ARHGEF26: variants seen among roughly 807,000 people sequenced by gnomAD.
The protein encoded by ARHGEF26 is Rho guanine nucleotide exchange factor 26.
Under a neutral mutation model 89.4 loss-of-function variants are expected in ARHGEF26, and 59 were observed. The observed-to-expected ratio is 0.66, with a 90% CI of 0.54 to 0.82. The LOEUF is 0.82. ARHGEF26 is among the 40% of genes least tolerant of loss of function. ARHGEF26 has a pLI of 0.00. For missense variants in ARHGEF26, 1,234 were observed against 1,085.6 expected (o/e 1.14, Z -1.92); for synonymous variants, 500 against 428.4 (o/e 1.17, Z -2.06).
At position 154,122,076 on chromosome 3, in the gene ARHGEF26, G is replaced by A. The variant is rs774549332; in HGVS notation, c.84G>A (p.Gln28=). 2 of 1,612,716 alleles carry A rather than the reference G, an allele frequency of 1.2e-6. No individual in the cohort carries two copies. Among genetic ancestry groups the A allele is most frequent in the Non-Finnish European group, 1.7e-6 (2 of 1,179,370 alleles). Reference sequence around the variant, plus strand: ...GGCGGTCGATTCCTCAGCCCCACCAGGTTCTGGGCCGGAGCAAGCCGAGGC... The same window carrying A: ...GGCGGTCGATTCCTCAGCCCCACCAAGTTCTGGGCCGGAGCAAGCCGAGGC... ...WRRRSIPQPH[Q]VLGRSKPRPQ... Residue 28 remains glutamine (Q), a synonymous_variant, in exon 2 of 15, where the codon CAG becomes CAA. Coordinates refer to ENST00000465093, the MANE Select transcript of ARHGEF26 (RefSeq NM_015595.4).
At chr3:154,123,796 C>G (rs1718150608) in intron 2 of ARHGEF26, among the ~76,000 whole-genome samples, 1 of 152,078 alleles carries the variant, frequency 6.6e-6, no homozygotes, top group Non-Finnish European at 1.5e-5. Context: ...CCTATATTGT[C>G]CCATTAGCTG....
chr3:154,253,720 G>C (rs992463051), intron 13 of ARHGEF26, among the ~76,000 whole-genome samples: 2 of 152,172 alleles, frequency 1.3e-5, no homozygotes, highest in African/African-American at 4.8e-5. Flanking sequence ...GTGAAGGGGG[G>C]TGTTGTATGC....
Position 154,122,826 on chromosome 3 carries a change from G to T in ARHGEF26, c.834G>T (p.Val278=), listed in dbSNP as rs768474890. The T allele has an allele frequency of 6.2e-7, 1 of 1,612,784 alleles. No individual in the cohort carries two copies. ...NVEPHKRLLK[V]RSMVEGLGGP... is the part of the protein sequence containing the mutation. Reference sequence around the variant, plus strand: ...AGCCCCACAAGAGACTCCTCAAGGTGCGCAGCATGGTGGAGGGCCTAGGAG... The same window carrying T: ...AGCCCCACAAGAGACTCCTCAAGGTTCGCAGCATGGTGGAGGGCCTAGGAG... The change falls in exon 2 of 15, where the codon GTG becomes GTT. Residue 278 remains valine, a synonymous_variant. Coordinates refer to ENST00000465093, the MANE Select transcript of ARHGEF26 (RefSeq NM_015595.4).
At chr3:154,226,111 G>T in intron 11 of ARHGEF26, 101 bp downstream of exon 11, 1 of 1,065,006 alleles carries the variant, frequency 9.4e-7, no homozygotes, top group Non-Finnish European at 1.3e-6. Context: ...TAGAAATGTT[G>T]GAAGTATAGT....
intron 11 of ARHGEF26, among the ~76,000 whole-genome samples, chr3:154,232,634 A>C (rs1034238637): frequency 2.6e-5 from 4 of 152,204 alleles, no homozygotes; most frequent in Non-Finnish European, 4.4e-5. Context: ...AATAAAAAAA[A>C]TAGCTGACAT....
At position 154,131,342 on chromosome 3, in the gene ARHGEF26, A is replaced by G. The variant is rs576627984; in HGVS notation, c.1269+1623A>G. On this transcript the variant is annotated intron_variant, in intron 4 of 14. Transcript: ENST00000465093. ...TGAGTATTTTCTCAACTCAAATTTT[A>G]AAGAAATGTTGTGTGTCCAAGAAAG... Among the ~76,000 whole-genome samples, 4 of 152,328 alleles carry G rather than the reference A, an allele frequency of 2.6e-5. No homozygotes were observed. In the South Asian group the frequency reaches 6.2e-4, roughly 24 times the overall value.
intron 3 of ARHGEF26, among the ~76,000 whole-genome samples, chr3:154,127,069 T>C (rs993893562): frequency 6.6e-6 from 1 of 152,198 alleles, no homozygotes; most frequent in African/African-American, 2.4e-5. Flanking sequence ...GAATGGAGCT[T>C]GCAGTACTGA....
Position 154,122,753 on chromosome 3 carries a change from G to A in ARHGEF26, c.761G>A (p.Ser254Asn). The change falls in exon 2 of 15, where the codon AGT becomes AAT. Residue 254 changes from serine (S) to asparagine (N), a missense_variant. By Grantham distance (46) the Ser-to-Asn change is conservative (BLOSUM62 1). Coordinates refer to ENST00000465093, the MANE Select transcript of ARHGEF26 (RefSeq NM_015595.4). ...GGGAAGCAGCAGATCATTCCGAAGA[G>A]TCTGGCCTCGGAAATTAAAATAAGT... ...KVGKQQIIPK[S>N]LASEIKISKS... The A allele has an allele frequency of 3.1e-6, 5 of 1,612,070 alleles. No individual in the cohort carries two copies. The highest frequency in any genetic ancestry group is 4.2e-6 in the Non-Finnish European group (5 of 1,178,998).
chr3:154,227,913 A>G (rs959167496), intron 11 of ARHGEF26, among the ~76,000 whole-genome samples: 6 of 152,232 alleles, frequency 3.9e-5, no homozygotes, highest in African/African-American at 1.2e-4. Context: ...TATTAAAGGT[A>G]TTTAAACCAG....
At chr3:154,172,286 A>G (rs922479826) in intron 6 of ARHGEF26, among the ~76,000 whole-genome samples, 19 of 152,212 alleles carry the variant, frequency 1.2e-4, no homozygotes, top group African/African-American at 4.6e-4. Context: ...CAGTAAATGC[A>G]GTAGATGCTG....
intron 4 of ARHGEF26, among the ~76,000 whole-genome samples, chr3:154,132,258 A>G (rs1718724499): frequency 6.6e-6 from 1 of 152,132 alleles, no homozygotes; most frequent in Non-Finnish European, 1.5e-5. Context: ...ATTTCTGTGT[A>G]CCTATCACTC....
intron 4 of ARHGEF26, among the ~76,000 whole-genome samples, chr3:154,135,963 T>C (rs921665406): frequency 2.0e-5 from 3 of 152,284 alleles, no homozygotes; most frequent in Admixed American, 6.5e-5. Flanking sequence ...ACCAAAACCA[T>C]ATTTGCCAGC....
chr3:154,236,943 T>G (rs1332932748), intron 11 of ARHGEF26, among the ~76,000 whole-genome samples: 2 of 152,218 alleles, frequency 1.3e-5, no homozygotes, highest in East Asian at 3.9e-4. Context: ...CTGCATTTTG[T>G]TTTGGACCCA....
At chr3:154,123,222 T>C (rs774189242) in intron 2 of ARHGEF26, 147 bp downstream of exon 2, 382 of 1,227,164 alleles carry the variant, frequency 3.1e-4, no homozygotes, top group Admixed American at 5.2e-4. Context: ...TACATCCAGC[T>C]CTTGGCCACT....
chr3:154,223,919 C>G (rs1235471251), intron 10 of ARHGEF26, among the ~76,000 whole-genome samples: 1 of 151,880 alleles, frequency 6.6e-6, no homozygotes, highest in African/African-American at 2.4e-5. Context: ...TCTTGCTGCC[C>G]CATAAAATTA....
intron 6 of ARHGEF26, among the ~76,000 whole-genome samples, chr3:154,165,353 A>G (rs1309505264): frequency 6.6e-6 from 1 of 152,148 alleles, no homozygotes; most frequent in Non-Finnish European, 1.5e-5. Flanking sequence ...ATATCATTTT[A>G]TTAATATTTC....
intron 6 of ARHGEF26, among the ~76,000 whole-genome samples, chr3:154,155,413 A>G (rs958252217): frequency 3.9e-5 from 6 of 152,032 alleles, no homozygotes; most frequent in South Asian, 4.1e-4. Context: ...CTAGTGAAAG[A>G]GAATTATCTG....
chr3:154,190,031 A>T lies in ARHGEF26; in HGVS notation c.1641-1258A>T, dbSNP rs183938377. Among the ~76,000 whole-genome samples the T allele has an allele frequency of 2.2e-3, 337 of 151,914 alleles. 4 individuals carry two copies. Among genetic ancestry groups the T allele is most frequent in the African/African-American group, 1.7e-3 (71 of 41,438 alleles). On this transcript the variant is annotated intron_variant, in intron 7 of 14. Coordinates refer to ENST00000465093, the MANE Select transcript of ARHGEF26 (RefSeq NM_015595.4). The stretch of plus-strand genomic sequence containing the variant: ...TAATTTTCAAAATAACATTTTTTTT[A>T]AAAAAAATGACTGCTATTGTCACTA...
intron 9 of ARHGEF26, among the ~76,000 whole-genome samples, chr3:154,214,927 G>A (rs1715623929): frequency 6.6e-6 from 1 of 152,148 alleles, no homozygotes; most frequent in African/African-American, 2.4e-5. Context: ...TTGAAGACAG[G>A]TTTGCCCTCT....
Sources: allele counts gnomAD v4.1 joint callset (sites outside exome capture counted in the v4.1 genomes callset), GRCh38; gene constraint gnomAD v4.1.1; transcripts MANE v1.5; gene names NCBI Gene and HGNC (gene_info 2026-07-23, HGNC 2026-07-21).